The following KATNIP variants were observed in gnomAD, a reference collection of about 807,000 sequenced individuals.
KATNIP encodes katanin-interacting protein.
In KATNIP, 126 loss-of-function variants were observed where a neutral mutation model predicts 174.0. That is an observed-to-expected ratio of 0.72 (90% CI 0.63 to 0.84). KATNIP has a LOEUF of 0.84. KATNIP is among the 40% of genes least tolerant of loss of function. The pLI is 0.00. For missense variants in KATNIP, 1,958 were observed against 2,109.7 expected (o/e 0.93, Z 1.41); for synonymous variants, 810 against 835.7 (o/e 0.97, Z 0.53).
chr16:27,585,710 C>G (rs776307875), intron 2 of KATNIP, among the ~76,000 whole-genome samples: 2 of 152,118 alleles, frequency 1.3e-5, no homozygotes, highest in Non-Finnish European at 2.9e-5. Flanking sequence ...TTTATGGGAG[C>G]TAAAAATTAA....
chr16:27,736,328 A>G (rs1156560487), intron 14 of KATNIP, among the ~76,000 whole-genome samples: 5 of 152,236 alleles, frequency 3.3e-5, no homozygotes, highest in South Asian at 2.1e-4. Context: ...GGTGGCTACA[A>G]TGTGCCCTTG....
chr16:27,653,653 C>T (rs977726166), intron 6 of KATNIP, among the ~76,000 whole-genome samples: 3 of 151,502 alleles, frequency 2.0e-5, no homozygotes, highest in African/African-American at 7.3e-5. Context: ...TTTGATTTTC[C>T]CACTTTTTTT....
At chr16:27,588,518 C>T (rs1330132698) in intron 2 of KATNIP, among the ~76,000 whole-genome samples, 2 of 152,024 alleles carry the variant, frequency 1.3e-5, no homozygotes, top group Non-Finnish European at 2.9e-5. Context: ...CTCTGCCACT[C>T]AGGCTGGAGT....
At chr16:27,771,551 G>T in intron 21 of KATNIP, 37 bp from the exon 22 acceptor site, 1 of 1,602,146 alleles carries the variant, frequency 6.2e-7, no homozygotes, top group South Asian at 1.1e-5. Context: ...CTGGGCCGTC[G>T]TGAGCTTCTT....
intron 14 of KATNIP, among the ~76,000 whole-genome samples, chr16:27,738,979 A>C (rs998713042): frequency 6.6e-6 from 1 of 151,916 alleles, no homozygotes; most frequent in Non-Finnish European, 1.5e-5. Flanking sequence ...GCATTTAAGC[A>C]GAAGACTCCC....
rs569131336 is a variant in KATNIP at position 27,776,741 on chromosome 16, G to A, written c.4450-187G>A. 14 of 577,564 alleles carry A rather than the reference G, an allele frequency of 2.4e-5. No homozygotes were observed. Among genetic ancestry groups the A allele is most frequent in the Non-Finnish European group, 4.3e-5 (14 of 322,572 alleles). The allele number at this position is 577,564 out of a possible 1,614,324, so 35.8% of individuals were successfully genotyped here. ...AGCTCAGCGGTTTGTTGCAAATGCAGCCACACGTGACCTGACTCAAGATGG... is the reference window on the plus strand; with the variant it reads ...AGCTCAGCGGTTTGTTGCAAATGCAACCACACGTGACCTGACTCAAGATGG... On this transcript the variant is annotated intron_variant, in intron 24 of 27. Transcript: ENST00000261588. This position sits in a 1 kb window ranked among gnomAD's most constrained non-coding sequence, Gnocchi z 4.7.
intron 11 of KATNIP, among the ~76,000 whole-genome samples, chr16:27,702,067 A>T (rs1039559198): frequency 2.0e-5 from 3 of 152,200 alleles, no homozygotes; most frequent in African/African-American, 7.2e-5. Context: ...GGCGTAAGCC[A>T]CTACACCTGA....
chr16:27,685,223 C>G (rs548988286), intron 8 of KATNIP: 1 of 152,090 alleles, frequency 6.6e-6, no homozygotes, highest in South Asian at 2.1e-4. Flanking sequence ...CCCATCTCTA[C>G]TAAAACACAC....
rs2142226713 is a variant in KATNIP at position 27,637,936 on chromosome 16, C to A, written c.408+6774C>A. Among the ~76,000 whole-genome samples, 1 of 152,326 alleles carries A rather than the reference C, an allele frequency of 6.6e-6. No homozygotes were observed. Among genetic ancestry groups the A allele is most frequent in the South Asian group, 2.1e-4 (1 of 4,824 alleles). On this transcript the variant is annotated intron_variant, in intron 5 of 27. Transcript: ENST00000261588. The surrounding 1 kb of genome is among the most constrained non-coding windows in gnomAD (Gnocchi z 4.7). The stretch of plus-strand genomic sequence containing the variant: ...TGAAGCAGGGCTACGTCTCTCTCCA[C>A]CAACCTTCCCCAGCCCCCGTCCTTG...
rs11440523 is a variant in KATNIP at position 27,663,152 on chromosome 16, C to CTT, written c.540+14440_540+14441dup. On this transcript the variant is annotated intron_variant, in intron 6 of 27. Coordinates refer to ENST00000261588, the MANE Select transcript of KATNIP (RefSeq NM_015202.5). Reference sequence around the variant, plus strand: ...TATTTTTTCTTTTTCTTTTCTTCTTCTTTTTTTTTTTTTTTTTTTTTTTTA... The same window carrying CTT: ...TATTTTTTCTTTTTCTTTTCTTCTTCTTTTTTTTTTTTTTTTTTTTTTTTTTA... 2.9e-3 allele frequency among the ~76,000 whole-genome samples: 232 copies of CTT among 80,022 alleles called. 6 individuals carry two copies. The highest frequency in any genetic ancestry group is 6.9e-3 in the African/African-American group (142 of 20,532). 52.5% of individuals were successfully genotyped at this position (80,022 alleles called of 152,430 possible).
At chr16:27,673,190 A>G (rs761761017) in intron 6 of KATNIP, among the ~76,000 whole-genome samples, 1 of 152,200 alleles carries the variant, frequency 6.6e-6, no homozygotes, top group African/African-American at 2.4e-5. Flanking sequence ...ATGTTATCCC[A>G]GGGTTTTACT....
At chr16:27,726,111 C>T (rs1480045289) in intron 14 of KATNIP, among the ~76,000 whole-genome samples, 1 of 152,134 alleles carries the variant, frequency 6.6e-6, no homozygotes, top group Admixed American at 6.5e-5. Context: ...AGATCAGCAG[C>T]GGCATGAGAT....
At position 27,638,043 on chromosome 16, in the gene KATNIP, G is replaced by C. The variant is rs554889742; in HGVS notation, c.408+6881G>C. ...ATCCATCGTGCCTTCTCCACACACG[G>C]TTTTACACTCCCTCCATATTTGTTA... On this transcript the variant is annotated intron_variant, in intron 5 of 27. Coordinates refer to ENST00000261588, the MANE Select transcript of KATNIP (RefSeq NM_015202.5). Among the ~76,000 whole-genome samples the C allele has an allele frequency of 6.6e-5, 10 of 152,250 alleles. No individual in the cohort carries two copies. In the South Asian group the frequency reaches 2.1e-3, roughly 32 times the overall value.
Position 27,778,654 on chromosome 16 carries a change from C to T in KATNIP, c.*25C>T, listed in dbSNP as rs756181786. 20 of 1,610,720 alleles carry T rather than the reference C, an allele frequency of 1.2e-5. No homozygotes were observed. Among genetic ancestry groups the T allele is most frequent in the Non-Finnish European group, 1.6e-5 (19 of 1,177,842 alleles). Reference sequence around the variant, plus strand: ...ACTGGTGAAGGAGGGAGAGCTGGTCCTCCCACTATGGTGGGCTCCGTCAGC... The same window carrying T: ...ACTGGTGAAGGAGGGAGAGCTGGTCTTCCCACTATGGTGGGCTCCGTCAGC... On this transcript the variant is annotated 3_prime_UTR_variant, in exon 28 of 28. Transcript: ENST00000261588.
intron 16 of KATNIP, among the ~76,000 whole-genome samples, chr16:27,750,798 C>T (rs1265048356): frequency 7.7e-6 from 1 of 129,122 alleles, no homozygotes; most frequent in Non-Finnish European, 1.6e-5. Context: ...GGCATGGTTT[C>T]GGCTCACTGC....
intron 6 of KATNIP, among the ~76,000 whole-genome samples, chr16:27,661,629 G>T (rs1181477617): frequency 1.3e-5 from 2 of 151,626 alleles, no homozygotes; most frequent in Admixed American, 6.6e-5. Flanking sequence ...CTGACCTCAG[G>T]TGATCCACCC....
chr16:27,700,703 A>T (rs1207552808), intron 10 of KATNIP, among the ~76,000 whole-genome samples: 2 of 152,212 alleles, frequency 1.3e-5, no homozygotes, highest in Non-Finnish European at 2.9e-5. Flanking sequence ...GAATGAGCCC[A>T]GCCTGATCAA....
intron 2 of KATNIP, among the ~76,000 whole-genome samples, chr16:27,613,852 G>C (rs2075966194): frequency 6.6e-6 from 1 of 152,200 alleles, no homozygotes; most frequent in African/African-American, 2.4e-5. Context: ...AGGCCCAGGG[G>C]AGGACAGAGT....
At chr16:27,771,536 T>C (rs1056633673) in intron 21 of KATNIP, 52 bp from the exon 22 acceptor site, 4 of 1,571,088 alleles carry the variant, frequency 2.5e-6, no homozygotes, top group South Asian at 1.1e-5. Context: ...AACTGGCTGG[T>C]GATTCTGGGC....
Sources: gnomAD v4.1 joint callset for allele counts (sites outside exome capture counted in the v4.1 genomes callset) on GRCh38, gnomAD v4.1.1 for gene constraint, Gnocchi (gnomAD v3.1) non-coding constraint, MANE v1.5 for transcripts, NCBI Gene and HGNC (gene_info 2026-07-23, HGNC 2026-07-21) for gene names.